The following SUPT3H variants were observed in gnomAD, a reference collection of about 807,000 sequenced individuals.
SUPT3H encodes transcription initiation protein SPT3 homolog.
A neutral mutation model predicts 44.3 loss-of-function variants in SUPT3H; 44 were observed. The ratio of observed to expected loss-of-function variants is 0.99; its 90% CI spans 0.78 to 1.28. The LOEUF is 1.28. SUPT3H is among the 50% of genes most tolerant of loss of function. The probability of loss-of-function intolerance (pLI) is 0.00; values close to 1 mark genes in which losing one functional copy is unlikely to be tolerated. For synonymous variants in SUPT3H, 124 were observed against 125.6 expected (o/e 0.99, Z 0.09); for missense variants, 380 against 387.1 (o/e 0.98, Z 0.15).
chr6:44,870,959 C>A (rs1201987235), intron 10 of SUPT3H, among the ~76,000 whole-genome samples: 1 of 151,562 alleles, frequency 6.6e-6, no homozygotes, highest in Non-Finnish European at 1.5e-5. Context: ...AAACGGCGCA[C>A]CACGAGACTA....
At chr6:45,322,265 A>T (rs1417912833) in intron 2 of SUPT3H, among the ~76,000 whole-genome samples, 1 of 151,964 alleles carries the variant, frequency 6.6e-6, no homozygotes, top group Non-Finnish European at 1.5e-5. Flanking sequence ...CTATGCATCA[A>T]GAAACAGACT....
At chr6:45,233,922 T>C (rs1204820802) in intron 2 of SUPT3H, among the ~76,000 whole-genome samples, 1 of 152,186 alleles carries the variant, frequency 6.6e-6, no homozygotes, top group African/African-American at 2.4e-5. Context: ...TGTCCTTTAT[T>C]GGGATAATAA....
chr6:45,183,383 C>T (rs767495864), intron 2 of SUPT3H, among the ~76,000 whole-genome samples: 3 of 151,928 alleles, frequency 2.0e-5, no homozygotes, highest in African/African-American at 2.4e-5. Context: ...TCCGTCTTCA[C>T]GATGCATAAG....
chr6:45,318,339 A>G (rs1459064504), intron 2 of SUPT3H, among the ~76,000 whole-genome samples: 1 of 152,146 alleles, frequency 6.6e-6, no homozygotes, highest in Non-Finnish European at 1.5e-5. Context: ...TTTTGGAGAC[A>G]GGACATTATA....
At position 45,353,949 on chromosome 6, in the gene SUPT3H, G is replaced by A. The variant is rs565674998; in HGVS notation, c.101+11252C>T. Among the ~76,000 whole-genome samples the A allele has an allele frequency of 1.3e-4, 20 of 152,052 alleles. No individual in the cohort carries two copies. In the South Asian group the frequency reaches 3.7e-3, roughly 28 times the overall value. On this transcript the variant is annotated intron_variant, in intron 2 of 10. Coordinates refer to ENST00000371459, the MANE Select transcript of SUPT3H (RefSeq NM_003599.4). The stretch of plus-strand genomic sequence containing the variant: ...ACAGTAGAATTATACTAAGAATACA[G>A]ACAAGCACAAAAGAAGAAATAAAAA...
At chr6:45,336,981 T>C (rs1264475121) in intron 2 of SUPT3H, among the ~76,000 whole-genome samples, 1 of 151,670 alleles carries the variant, frequency 6.6e-6, no homozygotes, top group African/African-American at 2.4e-5. Context: ...GTGAAAACAG[T>C]GTGATCTGAA....
At chr6:45,129,914 A>T (rs960813868) in intron 2 of SUPT3H, among the ~76,000 whole-genome samples, 2 of 152,186 alleles carry the variant, frequency 1.3e-5, no homozygotes, top group Admixed American at 1.3e-4. Flanking sequence ...ACACACACAA[A>T]AAAGGCAGTG....
At chr6:45,336,051 C>T (rs1174531181) in intron 2 of SUPT3H, among the ~76,000 whole-genome samples, 1 of 151,254 alleles carries the variant, frequency 6.6e-6, no homozygotes, top group Non-Finnish European at 1.5e-5. Context: ...ATTAATCCAA[C>T]CTCCTTTCCA....
In SUPT3H at chr6:45,161,304, T is replaced by G. The variant is rs1808920122; in HGVS notation, c.102-55298A>C. ...GAACTCTTGTGTCCAGAAGGAAGCATTACCTGGGCCTGACTATAAAGGTGA... is the reference window on the plus strand; with the variant it reads ...GAACTCTTGTGTCCAGAAGGAAGCAGTACCTGGGCCTGACTATAAAGGTGA... On this transcript the variant is annotated intron_variant, in intron 2 of 10. Coordinates refer to ENST00000371459, the MANE Select transcript of SUPT3H (RefSeq NM_003599.4). Among the ~76,000 whole-genome samples the G allele has an allele frequency of 2.6e-5, 4 of 152,096 alleles. No individual in the cohort carries two copies. In the South Asian group the frequency reaches 8.3e-4, roughly 31 times the overall value.
chr6:45,062,750 C>T (rs7764131), intron 3 of SUPT3H, among the ~76,000 whole-genome samples: 2 of 147,782 alleles, frequency 1.4e-5, no homozygotes, highest in Non-Finnish European at 3.0e-5. Context: ...GCGCTTTTCA[C>T]ACCGGCTTAA....
At chr6:45,350,809 T>C (rs948985981) in intron 2 of SUPT3H, among the ~76,000 whole-genome samples, 1 of 152,156 alleles carries the variant, frequency 6.6e-6, no homozygotes, top group African/African-American at 2.4e-5. Context: ...AGTGTCTAAA[T>C]GAATGAAGTC....
intron 3 of SUPT3H, among the ~76,000 whole-genome samples, chr6:45,100,902 T>C (rs1798477185): frequency 6.6e-6 from 1 of 152,192 alleles, no homozygotes; most frequent in Non-Finnish European, 1.5e-5. Flanking sequence ...CACATGTTTA[T>C]TGCAGCAATA....
chr6:44,958,997 TC>T (rs1343077155), intron 7 of SUPT3H, among the ~76,000 whole-genome samples: 2 of 147,442 alleles, frequency 1.4e-5, no homozygotes, highest in Non-Finnish European at 3.0e-5. Context: ...TGCCTTGGCC[TC>T]CCAAGTAGCT....
chr6:44,885,800 A>G (rs946441969), intron 10 of SUPT3H, among the ~76,000 whole-genome samples: 2 of 152,226 alleles, frequency 1.3e-5, no homozygotes, highest in African/African-American at 4.8e-5. Flanking sequence ...AGAAGGCTTC[A>G]GACGATCAAA....
intron 3 of SUPT3H, among the ~76,000 whole-genome samples, chr6:45,042,152 G>A (rs1788633446): frequency 6.6e-6 from 1 of 152,168 alleles, no homozygotes; most frequent in Admixed American, 6.5e-5. Flanking sequence ...GCTGGGCGTG[G>A]TGGCTCACAC....
chr6:44,961,799 A>T lies in SUPT3H; in HGVS notation c.534T>A (p.Asp178Glu), dbSNP rs1181357768. Residue 178 changes from aspartate (D) to glutamate (E), a missense_variant, in exon 7 of 11, where the codon GAT (aspartate) becomes GAA (glutamate). Transcript: ENST00000371459. ...ERAERQTRIM[D>E]SAQYAEFCES... ...CACAGAATTCTGCATATTGAGCTGAATCCATAATTCGAGTTTGTCTTTCTG... is the reference window on the plus strand; with the variant it reads ...CACAGAATTCTGCATATTGAGCTGATTCCATAATTCGAGTTTGTCTTTCTG... 3 of 1,605,250 alleles carry T rather than the reference A, an allele frequency of 1.9e-6. No homozygotes were observed. The East Asian group carries it at 6.7e-5, about 36-fold the overall frequency.
intron 2 of SUPT3H, among the ~76,000 whole-genome samples, chr6:45,190,344 T>C (rs6936475): frequency 0.13 from 19,763 of 152,140 alleles, 1,520 homozygotes; most frequent in East Asian, 0.26. Context: ...GAATTCTCAT[T>C]GGCCCAAAGA....
At chr6:45,092,954 T>C (rs1346296400) in intron 3 of SUPT3H, among the ~76,000 whole-genome samples, 1 of 152,030 alleles carries the variant, frequency 6.6e-6, no homozygotes, top group Non-Finnish European at 1.5e-5. Context: ...AGAATTGAAA[T>C]TATCAGCATA....
chr6:45,284,397 A>G (rs1351559809), intron 2 of SUPT3H, among the ~76,000 whole-genome samples: 1 of 152,226 alleles, frequency 6.6e-6, no homozygotes, highest in Non-Finnish European at 1.5e-5. Context: ...TGCAATAAAA[A>G]ATGATAAAGG....
Sources: gnomAD v4.1 joint callset for allele counts (sites outside exome capture counted in the v4.1 genomes callset) on GRCh38, gnomAD v4.1.1 for gene constraint, MANE v1.5 for transcripts, NCBI Gene and HGNC (gene_info 2026-07-23, HGNC 2026-07-21) for gene names.